PSTK: variants seen among roughly 807,000 people sequenced by gnomAD.
PSTK encodes the protein L-seryl-tRNA(Sec) kinase.
PSTK carries 26 observed loss-of-function variants against 38.6 expected under a neutral mutation model. That is an observed-to-expected ratio of 0.67 (90% CI 0.49 to 0.94). The LOEUF (loss-of-function observed/expected upper bound fraction) is 0.94. Ranked by LOEUF, PSTK falls within the 40% of genes least tolerant of loss-of-function variation. The probability of loss-of-function intolerance (pLI) is 0.00; values close to 1 mark genes in which losing one functional copy is unlikely to be tolerated. For missense variants in PSTK, 445 were observed against 436.3 expected, an observed-to-expected ratio of 1.02 and a Z score of -0.18; for synonymous variants, 181 against 161.7, an observed-to-expected ratio of 1.12 and a Z score of -0.91.
rs767633396 is a variant in PSTK at position 122,982,896 on chromosome 10, C to G, written c.380C>G (p.Ala127Gly). The part of the protein sequence containing the change: ...CLKDQDLIFS[A>G]AFEAQSCYLL... The stretch of plus-strand genomic sequence containing the variant: ...AAGGATCAAGATCTGATATTTTCTG[C>G]AGCATTTGAGGCCCAGTCTTGCTAC... The change falls in exon 2 of 6, where the codon GCA (alanine) becomes GGA (glycine). Residue 127 changes from alanine to glycine, a missense_variant. Ala to Gly is a moderately conservative substitution (Grantham distance 60). Coordinates refer to ENST00000406217, the MANE Select transcript of PSTK (RefSeq NM_001363531.2). The G allele has an allele frequency of 6.2e-7, 1 of 1,614,118 alleles. No homozygotes were observed. The highest frequency in any genetic ancestry group is 1.3e-5 in the African/African-American group (1 of 74,948).
chr10:122,986,941 C>T lies in PSTK; in HGVS notation c.856C>T (p.Gln286Ter). The T allele has an allele frequency of 6.2e-7, 1 of 1,610,930 alleles. No homozygotes were observed. Among genetic ancestry groups the T allele is most frequent in the Non-Finnish European group, 8.5e-7 (1 of 1,177,246 alleles). The change falls in exon 5 of 6, where the codon CAG becomes TAG. Residue 286 changes from glutamine to a stop codon, truncating the protein, a stop_gained. Transcript: ENST00000406217. LOFTEE classifies it high-confidence loss of function. ...TCAGACACTCCGAAGGATTGTATCT[C>T]AGACAATGAAGGAAGCAAAAGGTAT... Reference protein sequence around the residue: ...TDQTLRRIVSQTMKEAKDEQV... With the variant: ...TDQTLRRIVS
chr10:122,980,638 C>A lies in PSTK; in HGVS notation c.159C>A (p.Val53=), dbSNP rs1415583905. 21 of 1,610,456 alleles carry A rather than the reference C, an allele frequency of 1.3e-5. No individual in the cohort carries two copies. Among genetic ancestry groups the A allele is most frequent in the Non-Finnish European group, 1.7e-5 (20 of 1,178,738 alleles). ...AGCAGGGTTGGGCCATCGGTGTTGT[C>A]GCGTATGATGACGTCATGCCCGACG... The part of the protein sequence containing the change: ...QQEQGWAIGV[V]AYDDVMPDAF... The change falls in exon 1 of 6, where the codon GTC becomes GTA. Residue 53 remains valine, a synonymous_variant. Coordinates refer to ENST00000406217, the MANE Select transcript of PSTK (RefSeq NM_001363531.2). This position sits in a 1 kb window ranked among gnomAD's most constrained non-coding sequence, Gnocchi z 4.3.
chr10:122,980,687 C>A lies in PSTK; in HGVS notation c.208C>A (p.Arg70=). The change falls in exon 1 of 6, where the codon CGA becomes AGA. Residue 70 remains arginine (R), a synonymous_variant. Transcript: ENST00000406217. The surrounding 1 kb of genome is among the most constrained non-coding windows in gnomAD (Gnocchi z 4.3). The part of the protein sequence containing the change: ...PDAFLAGARA[R]PAPSQWKLLR... ...CGCGTTTCTCGCCGGGGCAAGAGCGCGACCGGCGGTCAGCACGGAGGGGCG... is the reference window on the plus strand; with the variant it reads ...CGCGTTTCTCGCCGGGGCAAGAGCGAGACCGGCGGTCAGCACGGAGGGGCG... 6.9e-7 allele frequency: 1 copy of A among 1,455,078 alleles called. No individual in the cohort carries two copies. The highest frequency in any genetic ancestry group is 9.2e-7 in the Non-Finnish European group (1 of 1,084,174). The allele number at this position is 1,455,078 out of a possible 1,614,324, so 90.1% of individuals were successfully genotyped here. A position where few individuals can be genotyped will look rare whatever the true frequency, so the allele number is the denominator to read the frequency against.
At chr10:122,988,401 A>C (rs1165087822) in intron 5 of PSTK, among the ~76,000 whole-genome samples, 1 of 151,986 alleles carries the variant, frequency 6.6e-6, no homozygotes, top group Non-Finnish European at 1.5e-5. Flanking sequence ...ATATATATAC[A>C]TATATTATAT....
At chr10:122,987,608 T>C in intron 5 of PSTK, 1 of 1,453,864 alleles carries the variant, frequency 6.9e-7, no homozygotes, top group African/African-American at 1.4e-5. Flanking sequence ...AGATGAAATA[T>C]GTGGTAACTA....
chr10:122,987,742 ACT>A (rs1185209410), intron 5 of PSTK, among the ~76,000 whole-genome samples: 1 of 152,222 alleles, frequency 6.6e-6, no homozygotes, highest in Non-Finnish European at 1.5e-5. Flanking sequence ...CTTTACAAAT[ACT>A]GTTTCTAATC....
At chr10:122,986,816 ATTTAT>A (rs774707229) in intron 4 of PSTK, 48 bp from the exon 5 acceptor site, 5 of 1,179,774 alleles carry the variant, frequency 4.2e-6, no homozygotes, top group Non-Finnish European at 6.2e-6. Context: ...TTCTTTAGCC[ATTTAT>A]TTTATAAAAC....
Position 122,982,874 on chromosome 10 carries a change from G to T in PSTK, c.358G>T (p.Asp120Tyr), listed in dbSNP as rs377302941. ...MWEDFITCLKDQDLIFSAAFE... is the reference protein window; with the variant it reads ...MWEDFITCLKYQDLIFSAAFE... ...GGAAGATTTTATAACCTGCTTAAAG[G>T]ATCAAGATCTGATATTTTCTGCAGC... The change falls in exon 2 of 6, where the codon GAT (aspartate) becomes TAT (tyrosine). Residue 120 changes from aspartate (D) to tyrosine (Y), a missense_variant. Coordinates refer to ENST00000406217, the MANE Select transcript of PSTK (RefSeq NM_001363531.2). The T allele has an allele frequency of 1.9e-6, 3 of 1,614,076 alleles. No homozygotes were observed. Among genetic ancestry groups the T allele is most frequent in the Non-Finnish European group, 2.5e-6 (3 of 1,180,052 alleles).
intron 1 of PSTK, among the ~76,000 whole-genome samples, chr10:122,981,231 G>A (rs1848955633): frequency 6.6e-6 from 1 of 152,210 alleles, no homozygotes; most frequent in Non-Finnish European, 1.5e-5. Flanking sequence ...CTGTACAAAT[G>A]CATTATCAGA....
intron 5 of PSTK, among the ~76,000 whole-genome samples, chr10:122,989,476 G>A (rs1368947281): frequency 2.6e-5 from 4 of 151,960 alleles, no homozygotes; most frequent in South Asian, 2.1e-4. Flanking sequence ...GGTCTCGAAC[G>A]CCCGACCTCA....
intron 3 of PSTK, chr10:122,984,235 G>T (rs6599639): frequency 6.6e-6 from 1 of 151,890 alleles, no homozygotes; most frequent in East Asian, 1.9e-4. Flanking sequence ...GGCTCAAGCA[G>T]TTCTCCTGTC....
chr10:122,989,615 T>TA (rs1185465736), intron 5 of PSTK, among the ~76,000 whole-genome samples: 7 of 151,922 alleles, frequency 4.6e-5, no homozygotes, highest in East Asian at 3.9e-4. Flanking sequence ...TGTGAGTATA[T>TA]AAAAAAAACA....
intron 3 of PSTK, chr10:122,985,505 T>C (rs1849021256): frequency 6.6e-6 from 1 of 152,284 alleles, no homozygotes; most frequent in Non-Finnish European, 1.5e-5. Flanking sequence ...GTATTTTTCA[T>C]ATAAGACGTT....
At chr10:122,987,241 C>T in intron 5 of PSTK, 1 of 1,476,892 alleles carries the variant, frequency 6.8e-7, no homozygotes, top group Non-Finnish European at 9.2e-7. Flanking sequence ...AGGAGACAGA[C>T]AAAACATGAT....
chr10:122,986,655 C>CA (rs1849038020), intron 4 of PSTK, among the ~76,000 whole-genome samples: 1 of 152,134 alleles, frequency 6.6e-6, no homozygotes, highest in African/African-American at 2.4e-5. Context: ...CTGGGAGAGT[C>CA]AATTATTAGA....
chr10:122,980,704 G>C lies in PSTK; in HGVS notation c.216+9G>C. ...CAAGAGCGCGACCGGCGGTCAGCAC[G>C]GAGGGGCGGGGCCTGGGCCGCGGGG... On this transcript the variant is annotated intron_variant, in intron 1 of 5. Coordinates refer to ENST00000406217, the MANE Select transcript of PSTK (RefSeq NM_001363531.2). This position sits in a 1 kb window ranked among gnomAD's most constrained non-coding sequence, Gnocchi z 4.3. The C allele has an allele frequency of 6.6e-7, 1 of 1,521,854 alleles. No individual in the cohort carries two copies. The highest frequency in any genetic ancestry group is 2.6e-5 in the East Asian group (1 of 38,054). 94.3% of individuals were successfully genotyped at this position (1,521,854 alleles called of 1,614,324 possible). A position where few individuals can be genotyped will look rare whatever the true frequency, so the allele number is the denominator to read the frequency against.
chr10:122,986,127 A>G, intron 3 of PSTK, 173 bp from the exon 4 acceptor site: 1 of 382,760 alleles, frequency 2.6e-6, no homozygotes, highest in South Asian at 4.1e-5. Flanking sequence ...AGGCTGAGGC[A>G]GGAGAATGGC....
Position 122,986,893 on chromosome 10 carries a change from A to G in PSTK, c.808A>G (p.Thr270Ala), listed in dbSNP as rs1418770306. ...QKDTDRIICS[T>A]NILHKTDQTL... ...GGACACAGACAGAATTATTTGTTCA[A>G]CTAACATTCTTCATAAAACTGATCA... The change falls in exon 5 of 6, where the codon ACT becomes GCT. Residue 270 changes from threonine to alanine, a missense_variant. Transcript: ENST00000406217. 2 of 1,609,956 alleles carry G rather than the reference A, an allele frequency of 1.2e-6. No individual in the cohort carries two copies. Among genetic ancestry groups the G allele is most frequent in the African/African-American group, 1.3e-5 (1 of 74,986 alleles).
chr10:122,987,011 C>A, intron 5 of PSTK, 49 bp downstream of exon 5: 2 of 1,179,944 alleles, frequency 1.7e-6, no homozygotes. Flanking sequence ...TGACTTTCTA[C>A]TGCTACTGTT....
Sources: allele counts gnomAD v4.1 joint callset (sites outside exome capture counted in the v4.1 genomes callset), GRCh38; gene constraint gnomAD v4.1.1; non-coding constraint Gnocchi (gnomAD v3.1); transcripts MANE v1.5; gene names NCBI Gene and HGNC (gene_info 2026-07-23, HGNC 2026-07-21).